NFASC: variants seen among roughly 807,000 people sequenced by gnomAD.
The protein encoded by NFASC is neurofascin, also known as neurofascin homolog.
NFASC carries 43 observed loss-of-function variants against 147.5 expected under a neutral mutation model. That is an observed-to-expected ratio of 0.29 (90% CI 0.23 to 0.38). The LOEUF is 0.38. Ranked by LOEUF, NFASC falls within the 10% of genes least tolerant of loss-of-function variation. The probability of loss-of-function intolerance (pLI) is 1.00; values close to 1 mark genes in which losing one functional copy is unlikely to be tolerated. For missense variants in NFASC, 1,320 were observed against 1,689.0 expected, an observed-to-expected ratio of 0.78 and a Z score of 3.83; for synonymous variants, 622 against 665.5, an observed-to-expected ratio of 0.93 and a Z score of 1.01.
chr1:204,954,306 T>C lies in NFASC; in HGVS notation c.334T>C (p.Tyr112His), dbSNP rs1376811354. The C allele has an allele frequency of 6.2e-7, 1 of 1,613,948 alleles. No individual in the cohort carries two copies. Among genetic ancestry groups the C allele is most frequent in the African/African-American group, 1.3e-5 (1 of 74,882 alleles). ...DFRSGGRPEE[Y>H]EGEYQCFARN... The stretch of plus-strand genomic sequence containing the variant: ...CCGCAGTGGCGGGCGGCCGGAGGAA[T>C]ATGAGGGGGAATATCAGTGCTTCGC... Residue 112 changes from tyrosine (Y) to histidine (H), a missense_variant, in exon 6 of 30, where the codon TAT becomes CAT. Around this residue, in one of 3 missense-constraint regions of NFASC, gnomAD observed 981 missense variants for 1,289.5 expected, o/e 0.76. Transcript: ENST00000339876. This position sits in a 1 kb window ranked among gnomAD's most constrained non-coding sequence, Gnocchi z 5.7.
rs2095343090 is a variant in NFASC, at chr1:204,974,217, A to G, written c.1318A>G (p.Ile440Val). 1 of 1,614,098 alleles carries G rather than the reference A, an allele frequency of 6.2e-7. No individual in the cohort carries two copies. The highest frequency in any genetic ancestry group is 1.3e-5 in the African/African-American group (1 of 75,042). ...GATGCTGTCGCCCCGGAACCAGCTC[A>G]TTCGAGTGATTCTTTACAACCGGAC... ...PRMLSPRNQL[I>V]RVILYNRTRL... Residue 440 changes from isoleucine (I) to valine (V), a missense_variant, in exon 13 of 30, where the codon ATT (isoleucine) becomes GTT (valine). Ile to Val is a conservative substitution (Grantham distance 29). Coordinates refer to ENST00000339876, the MANE Select transcript of NFASC (RefSeq NM_001005388.3).
At chr1:204,933,637 C>T (rs1019084875) in intron 2 of NFASC, among the ~76,000 whole-genome samples, 1 of 151,956 alleles carries the variant, frequency 6.6e-6, no homozygotes, top group South Asian at 2.1e-4. Context: ...ATTTTTAATA[C>T]CTCCAGGAGG....
chr1:204,874,130 G>T (rs1362028075), intron 1 of NFASC, among the ~76,000 whole-genome samples: 1 of 152,194 alleles, frequency 6.6e-6, no homozygotes, highest in Non-Finnish European at 1.5e-5. Context: ...TCTCTGTCCA[G>T]TCCTATGCAG....
At chr1:204,861,288 C>A (rs2102848800) in intron 1 of NFASC, among the ~76,000 whole-genome samples, 1 of 151,978 alleles carries the variant, frequency 6.6e-6, no homozygotes, top group East Asian at 1.9e-4. Flanking sequence ...GAGGTTTCTC[C>A]ATGTTGCCCA....
intron 1 of NFASC, among the ~76,000 whole-genome samples, chr1:204,862,224 A>G (rs139543552): frequency 6.6e-5 from 10 of 152,260 alleles, no homozygotes; most frequent in Non-Finnish European, 1.3e-4. Context: ...CTATCTTTCA[A>G]CTTAAGAAAA....
intron 17 of NFASC, among the ~76,000 whole-genome samples, chr1:204,978,532 C>A (rs564041472): frequency 1.3e-5 from 2 of 152,180 alleles, no homozygotes; most frequent in Non-Finnish European, 2.9e-5. Context: ...CTCCTCAGAG[C>A]CTTGGCACAC....
chr1:204,941,233 T>A (rs2802828), intron 2 of NFASC, among the ~76,000 whole-genome samples: 17,079 of 152,218 alleles, frequency 0.11, 1,086 homozygotes, highest in African/African-American at 0.17. Flanking sequence ...ATGAATCTAG[T>A]GTTCTTTAAA....
At chr1:204,993,908 C>G (rs1273938151) in intron 24 of NFASC, 1 of 423,400 alleles carries the variant, frequency 2.4e-6, no homozygotes, top group African/African-American at 2.0e-5. Flanking sequence ...AAGGTTTTCC[C>G]CATGGAACAC....
At chr1:204,875,593 G>T (rs773778663) in intron 1 of NFASC, among the ~76,000 whole-genome samples, 3 of 152,172 alleles carry the variant, frequency 2.0e-5, no homozygotes, top group Non-Finnish European at 4.4e-5. Context: ...GGCCTCGAGG[G>T]CTGGAGAGGT....
chr1:205,001,925 A>G (rs1222355677), intron 26 of NFASC, among the ~76,000 whole-genome samples: 1 of 152,232 alleles, frequency 6.6e-6, no homozygotes, highest in South Asian at 2.1e-4. Context: ...CAACTAACCC[A>G]GCCAGCAAAT....
chr1:204,997,346 G>GCCA lies in NFASC; in HGVS notation c.2970_2972dup (p.Thr991dup), dbSNP rs1264011137. On this transcript the variant is annotated inframe_insertion, in exon 25 of 30. Coordinates refer to ENST00000339876, the MANE Select transcript of NFASC (RefSeq NM_001005388.3). The stretch of plus-strand genomic sequence containing the variant: ...CACAACTACTACAACCACTGCTGCC[G>GCCA]CCACCACCACCACGGAGAGTCCTCC... 5 of 1,561,338 alleles carry GCCA rather than the reference G, an allele frequency of 3.2e-6. No homozygotes were observed. The African/African-American group carries it at 5.5e-5, about 17-fold the overall frequency.
chr1:204,988,362 G>A (rs756072653), intron 22 of NFASC, among the ~76,000 whole-genome samples: 3 of 152,148 alleles, frequency 2.0e-5, no homozygotes, highest in Non-Finnish European at 2.9e-5. Context: ...GAATATAAAC[G>A]GAATCTTTCT....
chr1:204,851,960 T>G lies in NFASC; in HGVS notation c.-200+23178T>G, dbSNP rs139218080. Among the ~76,000 whole-genome samples, 101 of 152,348 alleles carry G rather than the reference T, an allele frequency of 6.6e-4. 1 individual carries two copies. In the East Asian group the frequency reaches 0.019, roughly 28 times the overall value. On this transcript the variant is annotated intron_variant, in intron 1 of 29. Coordinates refer to ENST00000339876, the MANE Select transcript of NFASC (RefSeq NM_001005388.3). The stretch of plus-strand genomic sequence containing the variant: ...AAGATGGTACAGGGTCTGAAAATCA[T>G]GAAGAACAGGTGAGTATAGTAGTTT...
At chr1:204,838,178 A>G (rs766472970) in intron 1 of NFASC, among the ~76,000 whole-genome samples, 2 of 152,262 alleles carry the variant, frequency 1.3e-5, no homozygotes, top group African/African-American at 4.8e-5. Context: ...GTCTAACATA[A>G]TTAAGCCACC....
At chr1:204,860,036 G>T (rs1429827352) in intron 1 of NFASC, among the ~76,000 whole-genome samples, 1 of 152,194 alleles carries the variant, frequency 6.6e-6, no homozygotes, top group African/African-American at 2.4e-5. Context: ...CCCGGCAGAA[G>T]AGTGTGGCGT....
intron 12 of NFASC, 95 bp downstream of exon 12, chr1:204,973,514 C>A: frequency 6.8e-7 from 1 of 1,459,970 alleles, no homozygotes; most frequent in Non-Finnish European, 9.3e-7. Flanking sequence ...CTTTCTTCTC[C>A]GGGGATTGGC....
In NFASC at chr1:205,017,683, T is replaced by C. The variant is rs1037596734; in HGVS notation, c.*1144T>C. 8 of 152,692 alleles carry C rather than the reference T, an allele frequency of 5.2e-5. No individual in the cohort carries two copies. Among genetic ancestry groups the C allele is most frequent in the African/African-American group, 1.4e-4 (6 of 41,452 alleles). The allele number at this position is 152,692 out of a possible 1,614,324, so 9.5% of individuals were successfully genotyped here. A position where few individuals can be genotyped will look rare whatever the true frequency, so the allele number is the denominator to read the frequency against. On this transcript the variant is annotated 3_prime_UTR_variant, in exon 30 of 30. Coordinates refer to ENST00000339876, the MANE Select transcript of NFASC (RefSeq NM_001005388.3). ...GCTCCCCTTCCATCTCTAGCAGATA[T>C]CATCTTCTCAGCCAATTCTGTAGGA...
chr1:204,916,559 A>C (rs2089293750), intron 1 of NFASC, among the ~76,000 whole-genome samples: 1 of 152,108 alleles, frequency 6.6e-6, no homozygotes, highest in Admixed American at 6.5e-5. Context: ...CCTCTGTGTT[A>C]TCTCATTGCT....
chr1:204,877,028 A>ATAT (rs71147719), intron 1 of NFASC, among the ~76,000 whole-genome samples: 3 of 84,512 alleles, frequency 3.5e-5, no homozygotes, highest in Non-Finnish European at 5.7e-5. Flanking sequence ...ATATATATAT[A>ATAT]ATATATATTT....
Sources: gnomAD v4.1 joint callset for allele counts (sites outside exome capture counted in the v4.1 genomes callset) on GRCh38, gnomAD v4.1.1 for gene constraint, gnomAD v4.1.1 regional missense constraint, Gnocchi (gnomAD v3.1) non-coding constraint, MANE v1.5 for transcripts, NCBI Gene and HGNC (gene_info 2026-07-23, HGNC 2026-07-21) for gene names.